Variants in SDCCAG8 observed in about 807,000 individuals in gnomAD.
SDCCAG8 encodes the protein serologically defined colon cancer antigen 8.
SDCCAG8 carries 74 observed loss-of-function variants against 101.8 expected under a neutral mutation model. The ratio of observed to expected loss-of-function variants is 0.73; its 90% CI spans 0.60 to 0.88. SDCCAG8 has a LOEUF of 0.88. Ranked by LOEUF, SDCCAG8 falls within the 40% of genes least tolerant of loss-of-function variation. The pLI is 0.00. For missense variants in SDCCAG8, 787 were observed against 822.6 expected, an observed-to-expected ratio of 0.96 and a Z score of 0.53; for synonymous variants, 281 against 292.9, an observed-to-expected ratio of 0.96 and a Z score of 0.41.
chr1:243,325,755 C>A (rs2074101470), intron 9 of SDCCAG8, among the ~76,000 whole-genome samples: 1 of 152,046 alleles, frequency 6.6e-6, no homozygotes, highest in South Asian at 2.1e-4. Context: ...GTGATAAGAA[C>A]CAATTAAAAT....
At chr1:243,450,344 T>A (rs2148124702) in intron 16 of SDCCAG8, among the ~76,000 whole-genome samples, 1 of 152,334 alleles carries the variant, frequency 6.6e-6, no homozygotes, top group South Asian at 2.1e-4. Context: ...CACCACACCA[T>A]TAGGGTTTGA....
At chr1:243,406,208 C>T (rs1360924520) in intron 13 of SDCCAG8, among the ~76,000 whole-genome samples, 2 of 152,078 alleles carry the variant, frequency 1.3e-5, no homozygotes, top group African/African-American at 2.4e-5. Flanking sequence ...AAGGCAAAAT[C>T]ATGATCGAAT....
At chr1:243,388,035 T>A (rs1473960053) in intron 13 of SDCCAG8, among the ~76,000 whole-genome samples, 1 of 152,130 alleles carries the variant, frequency 6.6e-6, no homozygotes, top group Non-Finnish European at 1.5e-5. Context: ...GATATTTTCT[T>A]GAAATTAATT....
intron 9 of SDCCAG8, among the ~76,000 whole-genome samples, chr1:243,323,613 A>G (rs2073931670): frequency 6.6e-6 from 1 of 152,162 alleles, no homozygotes; most frequent in Non-Finnish European, 1.5e-5. Flanking sequence ...ATTACCGTCC[A>G]TTCCTCATTT....
chr1:243,451,343 A>C (rs2083340453), intron 16 of SDCCAG8, among the ~76,000 whole-genome samples: 1 of 152,206 alleles, frequency 6.6e-6, no homozygotes, highest in African/African-American at 2.4e-5. Flanking sequence ...GAAACAACAT[A>C]ACAATCTCCA....
chr1:243,348,301 C>T (rs928048908), intron 12 of SDCCAG8, among the ~76,000 whole-genome samples: 4 of 151,354 alleles, frequency 2.6e-5, no homozygotes, highest in East Asian at 2.0e-4. Context: ...CCGCCGGCCT[C>T]GGCCTCCCAA....
intron 16 of SDCCAG8, among the ~76,000 whole-genome samples, chr1:243,468,540 G>A (rs989967759): frequency 2.4e-4 from 36 of 152,142 alleles, no homozygotes; most frequent in African/African-American, 8.4e-4. Flanking sequence ...TTTAAAATGC[G>A]GCCAGGTGCA....
At chr1:243,374,166 A>G (rs781351076) in intron 12 of SDCCAG8, among the ~76,000 whole-genome samples, 9 of 152,094 alleles carry the variant, frequency 5.9e-5, no homozygotes, top group Non-Finnish European at 1.3e-4. Context: ...CATCAGTCAA[A>G]GAAATCTTCC....
chr1:243,344,794 A>G (rs1158639657), intron 12 of SDCCAG8, among the ~76,000 whole-genome samples: 1 of 152,194 alleles, frequency 6.6e-6, no homozygotes, highest in Non-Finnish European at 1.5e-5. Context: ...ATAACCATGA[A>G]TACGTTTGTT....
At chr1:243,442,156 CAA>C (rs1298992197) in intron 16 of SDCCAG8, among the ~76,000 whole-genome samples, 2 of 152,000 alleles carry the variant, frequency 1.3e-5, no homozygotes, top group African/African-American at 2.4e-5. Context: ...CATATTACCC[CAA>C]GAGGTGATTT....
intron 16 of SDCCAG8, among the ~76,000 whole-genome samples, chr1:243,451,426 C>A (rs1427355490): frequency 1.3e-5 from 2 of 152,132 alleles, no homozygotes; most frequent in Non-Finnish European, 2.9e-5. Flanking sequence ...TTTGTCCTAT[C>A]TCCCGCTTTC....
At chr1:243,267,527 G>C (rs71652480) in intron 1 of SDCCAG8, 1 of 402,572 alleles carries the variant, frequency 2.5e-6, no homozygotes, top group South Asian at 2.1e-5. Flanking sequence ...GCTTGAACCC[G>C]AGAGGCGGAG....
chr1:243,377,307 C>T (rs1343956500), intron 12 of SDCCAG8, among the ~76,000 whole-genome samples: 1 of 151,812 alleles, frequency 6.6e-6, no homozygotes, highest in Non-Finnish European at 1.5e-5. Context: ...AAATGTTAAA[C>T]AATACAAATT....
intron 12 of SDCCAG8, among the ~76,000 whole-genome samples, chr1:243,366,614 C>T (rs2077001621): frequency 6.6e-6 from 1 of 151,852 alleles, no homozygotes; most frequent in Admixed American, 6.6e-5. Flanking sequence ...TTTATGAAAA[C>T]TAAATAAGAG....
rs567225612 is a variant in SDCCAG8 at position 243,458,591 on chromosome 1, A to G, written c.1986-30423A>G. ...CCCCATTTTAACAATGAGGAAACTG[A>G]GGCACAGTGAGGTTGAGTAACAGGC... On this transcript the variant is annotated intron_variant, in intron 16 of 17. Coordinates refer to ENST00000366541, the MANE Select transcript of SDCCAG8 (RefSeq NM_006642.5). The surrounding 1 kb of genome is among the most constrained non-coding windows in gnomAD (Gnocchi z 4.5). 2.0e-5 allele frequency among the ~76,000 whole-genome samples: 3 copies of G among 152,280 alleles called. No individual in the cohort carries two copies. Among genetic ancestry groups the G allele is most frequent in the African/African-American group, 7.2e-5 (3 of 41,550 alleles).
intron 17 of SDCCAG8, among the ~76,000 whole-genome samples, chr1:243,496,617 C>T (rs956791141): frequency 1.3e-4 from 20 of 152,164 alleles, no homozygotes; most frequent in Non-Finnish European, 2.4e-4. Flanking sequence ...AAGTGCGAAG[C>T]CCGGGCAGGT....
chr1:243,295,462 T>G (rs958211156), intron 6 of SDCCAG8, among the ~76,000 whole-genome samples: 5 of 152,200 alleles, frequency 3.3e-5, no homozygotes, highest in African/African-American at 1.2e-4. Context: ...GGTCTCAAAC[T>G]CCTGACCTCG....
intron 17 of SDCCAG8, among the ~76,000 whole-genome samples, chr1:243,494,600 G>A (rs984511498): frequency 1.2e-4 from 19 of 152,172 alleles, no homozygotes; most frequent in African/African-American, 2.2e-4. Flanking sequence ...ATTGAAAAGC[G>A]CATAGGGCTT....
chr1:243,264,615 CA>C (rs796552919), intron 1 of SDCCAG8, among the ~76,000 whole-genome samples: 13 of 145,334 alleles, frequency 8.9e-5, no homozygotes, highest in East Asian at 6.0e-4. Flanking sequence ...AACTCCATCT[CA>C]AAAAAAAAAG....
Sources: allele counts gnomAD v4.1 joint callset (sites outside exome capture counted in the v4.1 genomes callset), GRCh38; gene constraint gnomAD v4.1.1; non-coding constraint Gnocchi (gnomAD v3.1); transcripts MANE v1.5; gene names NCBI Gene and HGNC (gene_info 2026-07-23, HGNC 2026-07-21).